The following SMARCC1 variants were observed in gnomAD, a reference collection of about 807,000 sequenced individuals.
SMARCC1 encodes SWI/SNF related BAF chromatin remodeling complex subunit C1, also known as SWI/SNF complex subunit SMARCC1.
SMARCC1 carries 43 observed loss-of-function variants against 147.4 expected under a neutral mutation model. The observed-to-expected ratio is 0.29, with a 90% CI of 0.23 to 0.38. SMARCC1 has a LOEUF of 0.38. SMARCC1 is among the 10% of genes least tolerant of loss of function. SMARCC1 has a pLI of 1.00. For synonymous variants in SMARCC1, 495 were observed against 484.4 expected, an observed-to-expected ratio of 1.02 and a Z score of -0.29; for missense variants, 1,119 against 1,381.1, an observed-to-expected ratio of 0.81 and a Z score of 3.01.
chr3:47,671,431 C>T lies in SMARCC1; in HGVS notation c.1840-714G>A, dbSNP rs201414795. Among the ~76,000 whole-genome samples the T allele has an allele frequency of 9.9e-5, 15 of 152,260 alleles. No individual in the cohort carries two copies. The East Asian group carries it at 2.7e-3, about 27-fold the overall frequency. On this transcript the variant is annotated intron_variant, in intron 18 of 27. Coordinates refer to ENST00000254480, the MANE Select transcript of SMARCC1 (RefSeq NM_003074.4). Reference sequence around the variant, plus strand: ...CACGATTCAAGGATCAGATGTACTACACACGTAAAACACTGACAGGTTCTT... The same window carrying T: ...CACGATTCAAGGATCAGATGTACTATACACGTAAAACACTGACAGGTTCTT...
At chr3:47,650,263 G>A (rs908428555) in intron 21 of SMARCC1, among the ~76,000 whole-genome samples, 3 of 145,390 alleles carry the variant, frequency 2.1e-5, no homozygotes, top group Admixed American at 1.4e-4. Flanking sequence ...GCGACAGAGC[G>A]AGACTCTGTT....
chr3:47,667,628 C>T (rs940002126), intron 19 of SMARCC1, among the ~76,000 whole-genome samples: 4 of 152,284 alleles, frequency 2.6e-5, no homozygotes, highest in African/African-American at 9.6e-5. Context: ...CCTGTAATCC[C>T]AGCACTCTGG....
intron 12 of SMARCC1, among the ~76,000 whole-genome samples, chr3:47,689,651 G>A (rs889054946): frequency 3.9e-5 from 6 of 152,110 alleles, no homozygotes; most frequent in Non-Finnish European, 1.5e-5. Flanking sequence ...AAACAGTGGG[G>A]AATTTACAAT....
rs2033874413 is a variant in SMARCC1, at chr3:47,698,006, A to AC, written c.1165+3271_1165+3272insG. ...CTGGGCGAGAGCGAGCCTCCGCCTC[A>AC]AAAAAAAAAAAAAAAAAAAAAAAAA... On this transcript the variant is annotated intron_variant, in intron 11 of 27. Coordinates refer to ENST00000254480, the MANE Select transcript of SMARCC1 (RefSeq NM_003074.4). 6.3e-5 allele frequency among the ~76,000 whole-genome samples: 3 copies of AC among 47,266 alleles called. No homozygotes were observed. In the South Asian group the frequency reaches 2.4e-3, roughly 38 times the overall value. The allele number at this position is 47,266 out of a possible 152,430, so 31.0% of individuals were successfully genotyped here.
intron 6 of SMARCC1, among the ~76,000 whole-genome samples, chr3:47,723,557 T>C (rs1022276941): frequency 6.6e-6 from 1 of 151,980 alleles, no homozygotes; most frequent in Admixed American, 6.6e-5. Context: ...CTCACACCTG[T>C]AACCCCAGCA....
chr3:47,608,315 T>C (rs1442774282), intron 26 of SMARCC1, among the ~76,000 whole-genome samples: 1 of 24,158 alleles, frequency 4.1e-5, no homozygotes, highest in Non-Finnish European at 3.9e-3. Context: ...CTCGAACTCC[T>C]GACTCAGGTG....
chr3:47,624,967 C>T (rs1045165583), intron 24 of SMARCC1, among the ~76,000 whole-genome samples: 1 of 150,260 alleles, frequency 6.7e-6, no homozygotes, highest in Non-Finnish European at 1.5e-5. Context: ...GAGGCAGAGG[C>T]TGTGGTGAGC....
intron 9 of SMARCC1, among the ~76,000 whole-genome samples, chr3:47,708,044 C>T (rs2034030855): frequency 7.1e-6 from 1 of 140,960 alleles, no homozygotes; most frequent in African/African-American, 2.7e-5. Flanking sequence ...GGATATACAC[C>T]TTTGAATGAT....
At chr3:47,610,651 T>C (rs932073108) in intron 25 of SMARCC1, 11 of 326,124 alleles carry the variant, frequency 3.4e-5, no homozygotes, top group Middle Eastern at 2.0e-3. Flanking sequence ...CCTTTAGATA[T>C]CTAAAAATAC....
intron 25 of SMARCC1, among the ~76,000 whole-genome samples, chr3:47,621,996 T>C (rs529765828): frequency 2.6e-5 from 4 of 152,194 alleles, no homozygotes; most frequent in Non-Finnish European, 5.9e-5. Context: ...GAGATTTAGA[T>C]AATTCACTTT....
intron 22 of SMARCC1, among the ~76,000 whole-genome samples, chr3:47,636,788 A>ATGTG (rs35445330): frequency 0.019 from 1,518 of 80,552 alleles, 21 homozygotes; most frequent in African/African-American, 0.038. Flanking sequence ...AAATATATAT[A>ATGTG]TGTGTGTGTG....
intron 7 of SMARCC1, 120 bp downstream of exon 7, chr3:47,720,546 G>T: frequency 1.4e-6 from 1 of 734,864 alleles, no homozygotes; most frequent in Non-Finnish European, 2.3e-6. Context: ...CTCCATAAGT[G>T]AGAAAAATGA....
chr3:47,697,931 C>G (rs2033872747), intron 11 of SMARCC1, among the ~76,000 whole-genome samples: 1 of 133,028 alleles, frequency 7.5e-6, no homozygotes, highest in South Asian at 2.5e-4. Flanking sequence ...CGGTGTGAAC[C>G]TGGGAGGTAA....
At chr3:47,654,167 T>C (rs1429235800) in intron 21 of SMARCC1, among the ~76,000 whole-genome samples, 1 of 152,192 alleles carries the variant, frequency 6.6e-6, no homozygotes, top group African/African-American at 2.4e-5. Context: ...CAAATCTCAC[T>C]GAATCAAATA....
intron 1 of SMARCC1, among the ~76,000 whole-genome samples, chr3:47,774,653 G>A (rs1160049987): frequency 2.0e-5 from 3 of 151,774 alleles, no homozygotes; most frequent in African/African-American, 4.8e-5. Context: ...TCCTGACCTC[G>A]TGATCCACCC....
At chr3:47,779,352 A>G (rs2035015339) in intron 1 of SMARCC1, among the ~76,000 whole-genome samples, 1 of 152,262 alleles carries the variant, frequency 6.6e-6, no homozygotes, top group Admixed American at 6.5e-5. Flanking sequence ...ACGGTTAGTT[A>G]AAACCAATGC....
In SMARCC1 at chr3:47,781,687, GC is replaced by G. The variant is rs1318312550; in HGVS notation, c.110del (p.Gly37AlafsTer117). On this transcript the variant is annotated frameshift_variant, in exon 1 of 28. Transcript: ENST00000254480. LOFTEE classifies it high-confidence loss of function. ...GLAVYRRKDG[G>X]PATKFWESPE... Reference sequence around the variant, plus strand: ...GGCTCTCCCAAAACTTGGTGGCCGGGCCCCCATCCTTCCGTCGATAAACAGC... The same window carrying G: ...GGCTCTCCCAAAACTTGGTGGCCGGGCCCCATCCTTCCGTCGATAAACAGC... 1 of 1,562,500 alleles carries G rather than the reference GC, an allele frequency of 6.4e-7. No individual in the cohort carries two copies. The highest frequency in any genetic ancestry group is 1.2e-5 in the South Asian group (1 of 86,190).
In SMARCC1 at chr3:47,772,817, AG is replaced by A; in HGVS notation, c.314del (p.Pro105LeufsTer49). The A allele has an allele frequency of 6.2e-7, 1 of 1,612,032 alleles. No individual in the cohort carries two copies. Among genetic ancestry groups the A allele is most frequent in the Non-Finnish European group, 8.5e-7 (1 of 1,178,660 alleles). On this transcript the variant is annotated frameshift_variant and splice_region_variant, in exon 2 of 28. Coordinates refer to ENST00000254480, the MANE Select transcript of SMARCC1 (RefSeq NM_003074.4). LOFTEE classifies it high-confidence loss of function. Reference sequence around the variant, plus strand: ...AATAACAGTAAGCTGATGTACTTACAGGGAGTTTGGTGAAGGCCGGGTTGGT... The same window carrying A: ...AATAACAGTAAGCTGATGTACTTACAGGAGTTTGGTGAAGGCCGGGTTGGT... Reference protein sequence around the residue: ...HVTNPAFTKLPAKCFMDFKAG... With the variant: ...HVTNPAFTKLXAKCFMDFKAG...
At chr3:47,751,096 C>G (rs958032123) in intron 2 of SMARCC1, among the ~76,000 whole-genome samples, 1 of 151,910 alleles carries the variant, frequency 6.6e-6, no homozygotes, top group Non-Finnish European at 1.5e-5. Context: ...CAGGGTTTCA[C>G]CAGGTTGGCC....
Sources: gnomAD v4.1 joint callset for allele counts (sites outside exome capture counted in the v4.1 genomes callset) on GRCh38, gnomAD v4.1.1 for gene constraint, MANE v1.5 for transcripts, NCBI Gene and HGNC (gene_info 2026-07-23, HGNC 2026-07-21) for gene names.